ATF7: variants seen among roughly 807,000 people sequenced by gnomAD.
ATF7 encodes cyclic AMP-dependent transcription factor ATF-7.
In ATF7, 10 loss-of-function variants were observed where a neutral mutation model predicts 50.4. That is an observed-to-expected ratio of 0.20 (90% CI 0.12 to 0.34). The LOEUF is 0.34. Among genes scored for constraint, ATF7 ranks in the 10% least tolerant of loss-of-function variants. The pLI, the probability that ATF7 is intolerant of heterozygous loss-of-function variation, is 1.00. For synonymous variants in ATF7, 201 were observed against 226.4 expected, an observed-to-expected ratio of 0.89 and a Z score of 1.01; for missense variants, 465 against 613.9, an observed-to-expected ratio of 0.76 and a Z score of 2.56.
At chr12:53,584,694 T>C (rs922667208) in intron 2 of ATF7, among the ~76,000 whole-genome samples, 35 of 152,160 alleles carry the variant, frequency 2.3e-4, no homozygotes, top group Admixed American at 6.5e-4. Context: ...CAATGGAATA[T>C]TACTCAGCAC....
intron 2 of ATF7, among the ~76,000 whole-genome samples, chr12:53,577,608 C>T (rs1286464581): frequency 2.6e-5 from 4 of 151,180 alleles, no homozygotes; most frequent in Non-Finnish European, 4.4e-5. Flanking sequence ...CCCAGCTACT[C>T]GGGAGGCTGA....
chr12:53,602,062 T>C (rs376235471), intron 1 of ATF7, among the ~76,000 whole-genome samples: 3 of 152,144 alleles, frequency 2.0e-5, no homozygotes, highest in Non-Finnish European at 4.4e-5. Context: ...ATGCAAATCA[T>C]AGTAAAAAAC....
intron 2 of ATF7, among the ~76,000 whole-genome samples, chr12:53,590,955 A>T (rs2137767997): frequency 6.6e-6 from 1 of 152,312 alleles, no homozygotes; most frequent in East Asian, 1.9e-4. Flanking sequence ...GTAGATACAT[A>T]TTATTATACA....
intron 2 of ATF7, among the ~76,000 whole-genome samples, chr12:53,594,555 GA>G (rs1478354108): frequency 6.6e-6 from 1 of 152,146 alleles, no homozygotes. Flanking sequence ...TAAGAAACTT[GA>G]GTTTAATTCC....
In ATF7 at chr12:53,516,682, AAT is replaced by A. The variant is rs1937720439; in HGVS notation, c.*453_*454del. On this transcript the variant is annotated 3_prime_UTR_variant, in exon 12 of 12. Transcript: ENST00000420353. ...GGTGGCTGGGGCTGGGTCAGCGGGT[AAT>A]ATGTCATCAAATCTAGCCTCCCTCT... 5.5e-6 allele frequency: 1 copy of A among 180,278 alleles called. No homozygotes were observed. The highest frequency in any genetic ancestry group is 1.2e-5 in the Non-Finnish European group (1 of 82,618). 11.2% of individuals were successfully genotyped at this position (180,278 alleles called of 1,614,324 possible).
chr12:53,517,775 C>G (rs554946677), intron 11 of ATF7, among the ~76,000 whole-genome samples: 16 of 149,632 alleles, frequency 1.1e-4, no homozygotes, highest in Admixed American at 8.0e-4. Flanking sequence ...GCCTGGCCTT[C>G]ATTTCTTTAA....
intron 1 of ATF7, among the ~76,000 whole-genome samples, chr12:53,617,853 A>C (rs934814291): frequency 1.3e-5 from 2 of 151,376 alleles, no homozygotes; most frequent in African/African-American, 4.9e-5. Context: ...ATCTTGCCTC[A>C]TTGTAAACAG....
At chr12:53,580,026 G>A (rs373347929) in intron 2 of ATF7, among the ~76,000 whole-genome samples, 4 of 151,914 alleles carry the variant, frequency 2.6e-5, no homozygotes, top group South Asian at 4.2e-4. Context: ...CACCTCCTAG[G>A]TTCAAGCGAT....
intron 3 of ATF7, among the ~76,000 whole-genome samples, chr12:53,549,009 G>A (rs952204703): frequency 6.6e-6 from 1 of 150,842 alleles, no homozygotes; most frequent in Non-Finnish European, 1.5e-5. Context: ...CAAAACGGCC[G>A]GGCACAGTGG....
At chr12:53,587,863 T>TC (rs1942787929) in intron 2 of ATF7, among the ~76,000 whole-genome samples, 1 of 109,442 alleles carries the variant, frequency 9.1e-6, no homozygotes, top group South Asian at 3.7e-4. Context: ...TTTTTTCTTT[T>TC]TGACACGAAG....
intron 11 of ATF7, among the ~76,000 whole-genome samples, chr12:53,517,916 G>C (rs369620556): frequency 5.9e-5 from 9 of 152,166 alleles, no homozygotes; most frequent in East Asian, 5.8e-4. Flanking sequence ...CCAGGCTGGA[G>C]TGCAGTGGTG....
chr12:53,587,843 A>ATATATATATATATATATATATATATATTT, intron 2 of ATF7, among the ~76,000 whole-genome samples: 5 of 61,564 alleles, frequency 8.1e-5, no homozygotes, highest in Admixed American at 2.3e-4. Context: ...ATATATATAT[A>ATATATATATATATATATATATATATATTT]TTTTTTTTTT....
At chr12:53,609,567 G>A (rs1024682250) in intron 1 of ATF7, among the ~76,000 whole-genome samples, 1 of 150,996 alleles carries the variant, frequency 6.6e-6, no homozygotes, top group African/African-American at 2.4e-5. Flanking sequence ...GATCCCTTGA[G>A]CCCAAGAGTT....
At chr12:53,574,371 C>A (rs1011853098) in intron 2 of ATF7, among the ~76,000 whole-genome samples, 1 of 152,192 alleles carries the variant, frequency 6.6e-6, no homozygotes, top group Non-Finnish European at 1.5e-5. Context: ...CCGTATCCTT[C>A]ATAATATCCT....
At chr12:53,561,926 AAATACTC>A (rs1424094788) in intron 2 of ATF7, among the ~76,000 whole-genome samples, 1 of 152,202 alleles carries the variant, frequency 6.6e-6, no homozygotes. Flanking sequence ...CTTTCCCCCA[AAATACTC>A]AAAGATAAAA....
intron 2 of ATF7, among the ~76,000 whole-genome samples, chr12:53,568,468 C>T (rs936870755): frequency 6.6e-6 from 1 of 152,092 alleles, no homozygotes; most frequent in Non-Finnish European, 1.5e-5. Context: ...CAGTATTAAG[C>T]TTTTGTTTTA....
At chr12:53,518,105 T>C (rs1315359110) in intron 11 of ATF7, among the ~76,000 whole-genome samples, 1 of 152,338 alleles carries the variant, frequency 6.6e-6, no homozygotes, top group African/African-American at 2.4e-5. Context: ...CCTCAAGTGA[T>C]TGGCCTGCCT....
chr12:53,545,697 TTGTAGCATGCATA>T (rs1377405387), intron 3 of ATF7, among the ~76,000 whole-genome samples: 2 of 152,122 alleles, frequency 1.3e-5, no homozygotes, highest in African/African-American at 4.8e-5. Flanking sequence ...ATGCATACAC[TTGTAGCATGCATA>T]TGTTTGGGGG....
In ATF7 at chr12:53,617,243, G is replaced by A. The variant is rs753529319; in HGVS notation, c.-22+9036C>T. Among the ~76,000 whole-genome samples, 4 of 151,868 alleles carry A rather than the reference G, an allele frequency of 2.6e-5. No homozygotes were observed. The East Asian group carries it at 5.8e-4, about 22-fold the overall frequency. On this transcript the variant is annotated intron_variant, in intron 1 of 11. Transcript: ENST00000420353. ...TTGTCATGTTGCCCAGGCTGGTCTC[G>A]AACTCCTGGGCCCAAGCCTCCCAAA...
Sources: allele counts gnomAD v4.1 joint callset (sites outside exome capture counted in the v4.1 genomes callset), GRCh38; gene constraint gnomAD v4.1.1; transcripts MANE v1.5; gene names NCBI Gene and HGNC (gene_info 2026-07-23, HGNC 2026-07-21).